KCNN2: variants seen among roughly 807,000 people sequenced by gnomAD.
KCNN2 encodes potassium calcium-activated channel subfamily N member 2.
A neutral mutation model predicts 55.5 loss-of-function variants in KCNN2; 24 were observed. That is an observed-to-expected ratio of 0.43 (90% CI 0.31 to 0.61). The LOEUF is 0.61. Ranked by LOEUF, KCNN2 falls within the 20% of genes least tolerant of loss-of-function variation. The pLI is 0.08. For synonymous variants in KCNN2, 431 were observed against 336.1 expected, an observed-to-expected ratio of 1.28 and a Z score of -3.09; for missense variants, 754 against 853.6, an observed-to-expected ratio of 0.88 and a Z score of 1.45.
intron 2 of KCNN2, among the ~76,000 whole-genome samples, chr5:114,300,799 T>C (rs1756137951): frequency 6.6e-6 from 1 of 152,192 alleles, no homozygotes; most frequent in African/African-American, 2.4e-5. Flanking sequence ...GTAATTCTCA[T>C]CAACTTCAGA....
At chr5:114,315,608 A>G (rs1756487311) in intron 2 of KCNN2, among the ~76,000 whole-genome samples, 1 of 152,188 alleles carries the variant, frequency 6.6e-6, no homozygotes, top group South Asian at 2.1e-4. Context: ...CATTGATTAC[A>G]TATAGGCATA....
rs769385384 is a variant in KCNN2 at position 114,404,503 on chromosome 5, C to A, written c.1284C>A (p.Phe428Leu). ...CCATGACTTATGAGCGTATTTTCTT[C>A]ATCTGCTTGGAAATACTGGTGTGTG... ...RIAMTYERIFFICLEILVCAI... is the reference protein window; with the variant it reads ...RIAMTYERIFLICLEILVCAI... The change falls in exon 3 of 8, where the codon TTC becomes TTA. Residue 428 changes from phenylalanine to leucine, a missense_variant. Coordinates refer to ENST00000673685, the MANE Select transcript of KCNN2 (RefSeq NM_021614.4). The A allele has an allele frequency of 6.2e-7, 1 of 1,613,380 alleles. No homozygotes were observed. Among genetic ancestry groups the A allele is most frequent in the East Asian group, 2.2e-5 (1 of 44,874 alleles).
intron 1 of KCNN2, among the ~76,000 whole-genome samples, chr5:114,211,965 A>G (rs1753895752): frequency 6.6e-6 from 1 of 151,002 alleles, no homozygotes; most frequent in African/African-American, 2.4e-5. Context: ...ATATTAAAGT[A>G]TAGCAACACT....
chr5:114,394,912 C>A (rs1030631830), intron 2 of KCNN2, among the ~76,000 whole-genome samples: 3 of 152,114 alleles, frequency 2.0e-5, no homozygotes, highest in African/African-American at 7.2e-5. Context: ...GCTGCTTCTC[C>A]CTTGTTACTC....
chr5:114,251,189 G>C (rs1393848253), intron 2 of KCNN2, among the ~76,000 whole-genome samples: 2 of 152,164 alleles, frequency 1.3e-5, no homozygotes, highest in African/African-American at 4.8e-5. Context: ...TGCCAGTGCT[G>C]AATTGTGTTG....
intron 1 of KCNN2, among the ~76,000 whole-genome samples, chr5:114,060,242 T>C (rs750456595): frequency 3.9e-5 from 6 of 152,252 alleles, no homozygotes; most frequent in Non-Finnish European, 7.3e-5. Flanking sequence ...CCCTGCTACA[T>C]TTGGGCTTGG....
At chr5:114,443,027 T>C (rs1363102541) in intron 3 of KCNN2, among the ~76,000 whole-genome samples, 1 of 152,076 alleles carries the variant, frequency 6.6e-6, no homozygotes, top group Non-Finnish European at 1.5e-5. Flanking sequence ...GTGCAGTGGC[T>C]CAAGTCTGTA....
At chr5:114,188,796 A>G (rs1458014596) in intron 1 of KCNN2, among the ~76,000 whole-genome samples, 2 of 152,224 alleles carry the variant, frequency 1.3e-5, no homozygotes, top group Non-Finnish European at 2.9e-5. Context: ...ATGAAAAAAT[A>G]TAAAGAAGAC....
chr5:114,110,816 T>C (rs1285130385), intron 1 of KCNN2, among the ~76,000 whole-genome samples: 1 of 152,066 alleles, frequency 6.6e-6, no homozygotes, highest in East Asian at 1.9e-4. Context: ...TACTTATCTT[T>C]CAATAAAAGG....
At chr5:114,388,404 T>C (rs1236109928) in intron 2 of KCNN2, among the ~76,000 whole-genome samples, 1 of 152,216 alleles carries the variant, frequency 6.6e-6, no homozygotes. Context: ...TCAGAATTTC[T>C]GTTTTTCTGT....
chr5:114,215,329 T>G (rs1339176330), intron 1 of KCNN2, among the ~76,000 whole-genome samples: 2 of 152,136 alleles, frequency 1.3e-5, no homozygotes, highest in African/African-American at 4.8e-5. Flanking sequence ...ATGGTGAATT[T>G]AAAGCAGAAA....
chr5:114,222,373 A>G (rs189232900), intron 2 of KCNN2, among the ~76,000 whole-genome samples: 21 of 152,332 alleles, frequency 1.4e-4, no homozygotes, highest in Non-Finnish European at 2.9e-4. Flanking sequence ...TAGAACTACC[A>G]TACCAGAAAG....
At chr5:114,420,442 C>T (rs1004067843) in intron 3 of KCNN2, among the ~76,000 whole-genome samples, 5 of 152,168 alleles carry the variant, frequency 3.3e-5, no homozygotes, top group Non-Finnish European at 7.3e-5. Flanking sequence ...CTTCCAAATG[C>T]AGGACTGCTT....
At chr5:114,291,272 T>C (rs1004970196) in intron 2 of KCNN2, among the ~76,000 whole-genome samples, 1 of 152,068 alleles carries the variant, frequency 6.6e-6, no homozygotes, top group Non-Finnish European at 1.5e-5. Flanking sequence ...ATGTGCCATG[T>C]TGGTGTGCTG....
At chr5:114,283,267 A>G (rs1453456958) in intron 2 of KCNN2, among the ~76,000 whole-genome samples, 5 of 151,918 alleles carry the variant, frequency 3.3e-5, no homozygotes, top group Non-Finnish European at 7.4e-5. Flanking sequence ...TTCATTCCAC[A>G]TGGGTTCTTC....
chr5:114,465,028 G>C (rs749983439), intron 4 of KCNN2, among the ~76,000 whole-genome samples: 2 of 152,074 alleles, frequency 1.3e-5, no homozygotes, highest in Non-Finnish European at 2.9e-5. Flanking sequence ...GTGCTTCTTA[G>C]AAACAACTTC....
chr5:114,200,523 C>G (rs1218381273), intron 1 of KCNN2, among the ~76,000 whole-genome samples: 1 of 151,994 alleles, frequency 6.6e-6, no homozygotes, highest in Non-Finnish European at 1.5e-5. Context: ...TTGTGGAATA[C>G]TTTTTGACTG....
intron 1 of KCNN2, among the ~76,000 whole-genome samples, chr5:114,158,499 T>G (rs1312303800): frequency 3.9e-5 from 6 of 152,068 alleles, no homozygotes; most frequent in African/African-American, 1.4e-4. Context: ...CTTTTTTGGT[T>G]CCATATGAAG....
intron 2 of KCNN2, among the ~76,000 whole-genome samples, chr5:114,371,902 G>T (rs1035013956): frequency 6.6e-6 from 1 of 152,058 alleles, no homozygotes; most frequent in Non-Finnish European, 1.5e-5. Context: ...ATATTATGCC[G>T]ACTCTTATTA....
Sources: gnomAD v4.1 joint callset for allele counts (sites outside exome capture counted in the v4.1 genomes callset) on GRCh38, gnomAD v4.1.1 for gene constraint, MANE v1.5 for transcripts, NCBI Gene and HGNC (gene_info 2026-07-23, HGNC 2026-07-21) for gene names.